Variants in SCAPER observed in about 807,000 individuals in gnomAD.
SCAPER encodes the protein S phase cyclin A-associated protein in the endoplasmic reticulum.
In SCAPER, 98 loss-of-function variants were observed where a neutral mutation model predicts 182.2. The ratio of observed to expected loss-of-function variants is 0.54; its 90% CI spans 0.46 to 0.64. The LOEUF is 0.64. Ranked by LOEUF, SCAPER falls within the 30% of genes least tolerant of loss-of-function variation. The probability of loss-of-function intolerance (pLI) is 0.00; values close to 1 mark genes in which losing one functional copy is unlikely to be tolerated. For missense variants in SCAPER, 1,432 were observed against 1,690.0 expected (o/e 0.85, Z 2.68); for synonymous variants, 605 against 564.6 (o/e 1.07, Z -1.01).
intron 8 of SCAPER, among the ~76,000 whole-genome samples, chr15:76,782,519 C>T (rs1327232003): frequency 6.6e-6 from 1 of 152,142 alleles, no homozygotes; most frequent in East Asian, 1.9e-4. Context: ...CTCAGCTCTG[C>T]ACCAAGCCGA....
chr15:76,797,428 C>A (rs950489650), intron 7 of SCAPER: 1 of 152,174 alleles, frequency 6.6e-6, no homozygotes, highest in Non-Finnish European at 1.5e-5. Flanking sequence ...AATGAGACAT[C>A]CATGGGAGGC....
At chr15:76,618,994 A>G (rs2051760385) in intron 22 of SCAPER, among the ~76,000 whole-genome samples, 1 of 152,052 alleles carries the variant, frequency 6.6e-6, no homozygotes, top group African/African-American at 2.4e-5. Flanking sequence ...ACAGGTGCAC[A>G]CCACTATGCC....
chr15:76,840,207 CAGG>C (rs1401276853), intron 5 of SCAPER, among the ~76,000 whole-genome samples: 2 of 152,028 alleles, frequency 1.3e-5, no homozygotes, highest in East Asian at 3.9e-4. Context: ...CGCTTGAGCC[CAGG>C]AGTTCAAGAC....
intron 20 of SCAPER, among the ~76,000 whole-genome samples, chr15:76,695,432 C>A (rs2058600964): frequency 6.6e-6 from 1 of 151,586 alleles, no homozygotes; most frequent in Non-Finnish European, 1.5e-5. Flanking sequence ...GCCATCTCTA[C>A]CAAAAAATAC....
At position 76,868,498 on chromosome 15, in the gene SCAPER, T is replaced by C. The variant is rs748418103; in HGVS notation, c.7-5965A>G. 2.0e-5 allele frequency among the ~76,000 whole-genome samples: 3 copies of C among 151,852 alleles called. No individual in the cohort carries two copies. In the East Asian group the frequency reaches 5.8e-4, roughly 29 times the overall value. On this transcript the variant is annotated intron_variant, in intron 2 of 31. Coordinates refer to ENST00000563290, the MANE Select transcript of SCAPER (RefSeq NM_020843.4). ...AAAATCAACATACAAAAACCAACAG[T>C]GAACAATCCAAAAAAGAAAATCAAG... is the stretch of plus-strand genomic sequence containing the variant.
chr15:76,464,371 G>A (rs2049431079), intron 25 of SCAPER, among the ~76,000 whole-genome samples: 1 of 151,904 alleles, frequency 6.6e-6, no homozygotes, highest in Non-Finnish European at 1.5e-5. Flanking sequence ...ATATTCCATT[G>A]TTTGTACAGT....
chr15:76,574,868 G>A (rs748287711), intron 22 of SCAPER, among the ~76,000 whole-genome samples: 1 of 151,846 alleles, frequency 6.6e-6, no homozygotes, highest in Non-Finnish European at 1.5e-5. Context: ...CTTCTTTGTG[G>A]CCCCTACCTG....
chr15:76,708,199 T>C (rs954764722), intron 17 of SCAPER, among the ~76,000 whole-genome samples: 1 of 152,138 alleles, frequency 6.6e-6, no homozygotes, highest in African/African-American at 2.4e-5. Context: ...CCTAATACAA[T>C]ATGAATGTTA....
chr15:76,354,829 A>G lies in SCAPER; in HGVS notation c.3856-689T>C, dbSNP rs2040845184. Among the ~76,000 whole-genome samples, 1 of 152,244 alleles carries G rather than the reference A, an allele frequency of 6.6e-6. No individual in the cohort carries two copies. The highest frequency in any genetic ancestry group is 1.5e-5 in the Non-Finnish European group (1 of 68,038). On this transcript the variant is annotated intron_variant, in intron 29 of 31. Coordinates refer to ENST00000563290, the MANE Select transcript of SCAPER (RefSeq NM_020843.4). The surrounding 1 kb of genome is among the most constrained non-coding windows in gnomAD (Gnocchi z 4.4). ...ACATTTAAAGAAATAGGGCAATGCA[A>G]CGAATGGGCTTGCAGGGAAGCCCTC...
At chr15:76,439,694 C>T (rs1422279764) in intron 25 of SCAPER, among the ~76,000 whole-genome samples, 8 of 152,194 alleles carry the variant, frequency 5.3e-5, no homozygotes, top group Non-Finnish European at 1.0e-4. Context: ...CTATTACACA[C>T]CTGACTTACC....
intron 6 of SCAPER, among the ~76,000 whole-genome samples, chr15:76,802,976 C>G (rs1464762722): frequency 6.6e-6 from 1 of 152,186 alleles, no homozygotes; most frequent in African/African-American, 2.4e-5. Flanking sequence ...CCTACTGTTA[C>G]TACCTTAATC....
chr15:76,690,352 GC>G (rs1432485672), intron 20 of SCAPER, among the ~76,000 whole-genome samples: 2 of 151,970 alleles, frequency 1.3e-5, no homozygotes, highest in East Asian at 3.9e-4. Flanking sequence ...AACCGATAGG[GC>G]CATGAAAAAC....
intron 8 of SCAPER, among the ~76,000 whole-genome samples, chr15:76,783,787 G>A (rs906640859): frequency 3.2e-4 from 48 of 151,512 alleles, no homozygotes; most frequent in African/African-American, 1.1e-3. Flanking sequence ...GACAAAAACC[G>A]CAATTATCTC....
intron 23 of SCAPER, among the ~76,000 whole-genome samples, chr15:76,507,469 T>C (rs2041681091): frequency 6.6e-6 from 1 of 152,196 alleles, no homozygotes; most frequent in African/African-American, 2.4e-5. Flanking sequence ...CCACCTTATA[T>C]TTCTTCTAAT....
At chr15:76,892,093 A>C (rs1221187101) in intron 1 of SCAPER, among the ~76,000 whole-genome samples, 2 of 152,232 alleles carry the variant, frequency 1.3e-5, no homozygotes, top group Non-Finnish European at 2.9e-5. Context: ...TTCCCTATTT[A>C]ATAGTGCAGG....
chr15:76,387,388 A>G (rs574476778), intron 27 of SCAPER, among the ~76,000 whole-genome samples: 15 of 152,368 alleles, frequency 9.8e-5, no homozygotes, highest in Admixed American at 8.5e-4. Context: ...TCACAGGTAT[A>G]TCTCCAGGGC....
chr15:76,857,848 A>G lies in SCAPER; in HGVS notation c.156T>C (p.Ser52=), dbSNP rs540367458. The change falls in exon 4 of 32, where the codon TCT becomes TCC. Residue 52 remains serine (S), a synonymous_variant. Transcript: ENST00000563290. ...TATGAGTGCCTTGAATGGTCCTCTT[A>G]GATTTTCCACCAGTTTGACATTTAG... ...GKPKCQTGGK[S]KRTIQGTHKT... is the part of the protein sequence containing the mutation. 3 of 1,547,388 alleles carry G rather than the reference A, an allele frequency of 1.9e-6. No homozygotes were observed. The African/African-American group carries it at 4.1e-5, about 21-fold the overall frequency.
chr15:76,376,460 G>C (rs1012369526), intron 28 of SCAPER, 149 bp from the exon 29 acceptor site: 3 of 891,496 alleles, frequency 3.4e-6, no homozygotes, highest in Non-Finnish European at 4.9e-6. Flanking sequence ...CTTTAGTTTA[G>C]GGGTTCTTGT....
chr15:76,710,757 C>T (rs1221413049), intron 17 of SCAPER, among the ~76,000 whole-genome samples: 1 of 152,014 alleles, frequency 6.6e-6, no homozygotes, highest in East Asian at 1.9e-4. Flanking sequence ...AACTGATAAG[C>T]TGAACCTAAA....
Sources: gnomAD v4.1 joint callset for allele counts (sites outside exome capture counted in the v4.1 genomes callset) on GRCh38, gnomAD v4.1.1 for gene constraint, Gnocchi (gnomAD v3.1) non-coding constraint, MANE v1.5 for transcripts, NCBI Gene and HGNC (gene_info 2026-07-23, HGNC 2026-07-21) for gene names.